The following DPYSL5 variants were observed in gnomAD, a reference collection of about 807,000 sequenced individuals.
The protein encoded by DPYSL5 is dihydropyrimidinase-related protein 5.
A neutral mutation model predicts 58.4 loss-of-function variants in DPYSL5; 9 were observed. The observed-to-expected ratio is 0.15, with a 90% CI of 0.09 to 0.27. DPYSL5 has a LOEUF of 0.27. Ranked by LOEUF, DPYSL5 falls within the 10% of genes least tolerant of loss-of-function variation. The pLI is 1.00. For synonymous variants in DPYSL5, 293 were observed against 301.9 expected (o/e 0.97, Z 0.31); for missense variants, 499 against 770.6 (o/e 0.65, Z 4.17).
intron 1 of DPYSL5, among the ~76,000 whole-genome samples, chr2:26,858,919 A>G (rs1237950486): frequency 6.6e-6 from 1 of 152,172 alleles, no homozygotes; most frequent in Non-Finnish European, 1.5e-5. Flanking sequence ...CCAATATTTA[A>G]TCAATTATAA....
At chr2:26,891,544 C>T (rs1412961748) in intron 1 of DPYSL5, among the ~76,000 whole-genome samples, 3 of 152,152 alleles carry the variant, frequency 2.0e-5, no homozygotes, top group Non-Finnish European at 2.9e-5. Context: ...GGGGAGTAGT[C>T]AGCCCCATCT....
At chr2:26,869,545 T>G (rs990669724) in intron 1 of DPYSL5, among the ~76,000 whole-genome samples, 1 of 152,206 alleles carries the variant, frequency 6.6e-6, no homozygotes, top group Non-Finnish European at 1.5e-5. Context: ...ATTCCCTTTC[T>G]GCGTCATTCT....
intron 1 of DPYSL5, among the ~76,000 whole-genome samples, chr2:26,868,426 C>T (rs1446601339): frequency 6.6e-6 from 1 of 152,096 alleles, no homozygotes; most frequent in African/African-American, 2.4e-5. Flanking sequence ...CTTGGTGGTA[C>T]GCAGTCTCCC....
Position 26,913,617 on chromosome 2 carries a change from T to A in DPYSL5, c.262-11270T>A, listed in dbSNP as rs576225407. Among the ~76,000 whole-genome samples the A allele has an allele frequency of 2.6e-5, 4 of 152,322 alleles. No homozygotes were observed. The South Asian group carries it at 8.3e-4, about 32-fold the overall frequency. ...TCCTGCTTTCCATTACAGAGTCATTTTGAGAATCAAGTAAGATAATAAATA... is the reference window on the plus strand; with the variant it reads ...TCCTGCTTTCCATTACAGAGTCATTATGAGAATCAAGTAAGATAATAAATA... On this transcript the variant is annotated intron_variant, in intron 2 of 12. Coordinates refer to ENST00000288699, the MANE Select transcript of DPYSL5 (RefSeq NM_020134.4).
Position 26,946,982 on chromosome 2 carries a change from G to A in DPYSL5, c.1682G>A (p.Ser561Asn), listed in dbSNP as rs1428703060. The change falls in exon 13 of 13, where the codon AGT becomes AAT. Residue 561 changes from serine (S) to asparagine (N), a missense_variant. Ser to Asn is a conservative substitution (Grantham distance 46, BLOSUM62 1). This residue lies in a region of DPYSL5 where 33 missense variants were observed against 63.8 expected (regional missense o/e 0.52). Coordinates refer to ENST00000288699, the MANE Select transcript of DPYSL5 (RefSeq NM_020134.4). Reference protein sequence around the residue: ...RILAPPGGRSSGIW With the variant: ...RILAPPGGRSNGIW ...CTCGCTCCTCCCGGAGGCAGGTCGA[G>A]TGGCATTTGGTAAAGGCATTGCCAA... The A allele has an allele frequency of 6.2e-7, 1 of 1,613,392 alleles. No homozygotes were observed. Among genetic ancestry groups the A allele is most frequent in the Non-Finnish European group, 8.5e-7 (1 of 1,179,480 alleles).
chr2:26,942,335 A>T lies in DPYSL5; in HGVS notation c.1233-208A>T, dbSNP rs1665344246. Among the ~76,000 whole-genome samples, 1 of 152,114 alleles carries T rather than the reference A, an allele frequency of 6.6e-6. No homozygotes were observed. The highest frequency in any genetic ancestry group is 2.4e-5 in the African/African-American group (1 of 41,416). The stretch of plus-strand genomic sequence containing the variant: ...TAAGACTGGATTAGGGCCCACCTAT[A>T]TGACCTCACTTTATCTTAATGATTA... On this transcript the variant is annotated intron_variant, in intron 10 of 12. Transcript: ENST00000288699. This position sits in a 1 kb window ranked among gnomAD's most constrained non-coding sequence, Gnocchi z 5.9.
At chr2:26,913,604 T>C (rs1206219035) in intron 2 of DPYSL5, among the ~76,000 whole-genome samples, 1 of 152,208 alleles carries the variant, frequency 6.6e-6, no homozygotes, top group Admixed American at 6.5e-5. Context: ...CTGCTTTCCA[T>C]TACAGAGTCA....
chr2:26,932,816 A>G (rs922981546), intron 6 of DPYSL5, among the ~76,000 whole-genome samples: 1 of 152,210 alleles, frequency 6.6e-6, no homozygotes, highest in African/African-American at 2.4e-5. Context: ...TCCAGGGTGC[A>G]TTCTGTCTAC....
intron 1 of DPYSL5, among the ~76,000 whole-genome samples, chr2:26,872,551 G>A (rs555901435): frequency 7.9e-5 from 12 of 152,270 alleles, no homozygotes; most frequent in Admixed American, 7.9e-4. Context: ...TCAGCTGGGT[G>A]TGGTGGTGCG....
chr2:26,903,443 C>T (rs1664211506), intron 2 of DPYSL5, among the ~76,000 whole-genome samples: 1 of 152,194 alleles, frequency 6.6e-6, no homozygotes, highest in Non-Finnish European at 1.5e-5. Context: ...ATAGGGACCC[C>T]TTTCCTGGAA....
intron 1 of DPYSL5, among the ~76,000 whole-genome samples, chr2:26,890,916 G>GC (rs1285059443): frequency 2.0e-5 from 3 of 152,118 alleles, no homozygotes; most frequent in African/African-American, 7.2e-5. Context: ...ACTAATCCTA[G>GC]CAGATCACGG....
At position 26,942,840 on chromosome 2, in the gene DPYSL5, A is replaced by G; in HGVS notation, c.1440+90A>G. ...TGTTTTAAATCTCAAAGAGATGTTC[A>G]CTCCAGTTTTCGACCCAATTCCATT... is the stretch of plus-strand genomic sequence containing the variant. On this transcript the variant is annotated intron_variant, in intron 11 of 12. Transcript: ENST00000288699. The surrounding 1 kb of genome is among the most constrained non-coding windows in gnomAD (Gnocchi z 5.9). The G allele has an allele frequency of 1.1e-5, 16 of 1,458,318 alleles. No individual in the cohort carries two copies. The highest frequency in any genetic ancestry group is 1.5e-5 in the Non-Finnish European group (16 of 1,063,054). 90.3% of individuals were successfully genotyped at this position (1,458,318 alleles called of 1,614,324 possible). A position where few individuals can be genotyped will look rare whatever the true frequency, so the allele number is the denominator to read the frequency against.
rs1665101946 is a variant in DPYSL5, at chr2:26,933,963, A to G, written c.791-615A>G. Among the ~76,000 whole-genome samples, 1 of 152,136 alleles carries G rather than the reference A, an allele frequency of 6.6e-6. No individual in the cohort carries two copies. The highest frequency in any genetic ancestry group is 2.4e-5 in the African/African-American group (1 of 41,430). On this transcript the variant is annotated intron_variant, in intron 7 of 12. Transcript: ENST00000288699. The surrounding 1 kb of genome is among the most constrained non-coding windows in gnomAD (Gnocchi z 4.2). ...GACAGATCAGAAGCAAGGGCATCTCAGCCTTCAACTATAATCGATCAGAAG... is the reference window on the plus strand; with the variant it reads ...GACAGATCAGAAGCAAGGGCATCTCGGCCTTCAACTATAATCGATCAGAAG...
At chr2:26,914,705 C>G (rs148846365) in intron 2 of DPYSL5, among the ~76,000 whole-genome samples, 1 of 152,262 alleles carries the variant, frequency 6.6e-6, no homozygotes, top group East Asian at 1.9e-4. Context: ...GATCTGTCCA[C>G]CTGTTAAGCA....
In DPYSL5 at chr2:26,942,740, A is replaced by G. The variant is rs1308152337; in HGVS notation, c.1430A>G (p.Gln477Arg). 3 of 1,613,844 alleles carry G rather than the reference A, an allele frequency of 1.9e-6. No individual in the cohort carries two copies. Among genetic ancestry groups the G allele is most frequent in the Non-Finnish European group, 1.7e-6 (2 of 1,179,838 alleles). Residue 477 changes from glutamine (Q) to arginine (R), a missense_variant, in exon 11 of 13, where the codon CAG (glutamine) becomes CGG (arginine). Physicochemically the swap from Gln to Arg is conservative, Grantham distance 43. Around this residue, in one of 3 missense-constraint regions of DPYSL5, gnomAD observed 62 missense variants for 59.2 expected, o/e 1.05. Transcript: ENST00000288699. This position sits in a 1 kb window ranked among gnomAD's most constrained non-coding sequence, Gnocchi z 5.9. Reference sequence around the variant, plus strand: ...GACACTGTCTACAAGAAGCTGGTCCAGAGAGAGAAGGTGAGGTGGGAGGAG... The same window carrying G: ...GACACTGTCTACAAGAAGCTGGTCCGGAGAGAGAAGGTGAGGTGGGAGGAG... ...FPDTVYKKLVQREKTLKVRGV... is the reference protein window; with the variant it reads ...FPDTVYKKLVRREKTLKVRGV...
chr2:26,937,213 T>C (rs1665202479), intron 8 of DPYSL5, among the ~76,000 whole-genome samples: 1 of 152,064 alleles, frequency 6.6e-6, no homozygotes, highest in Non-Finnish European at 1.5e-5. Flanking sequence ...ATAATTTAAG[T>C]TTTTATATCT....
rs1244503865 is a variant in DPYSL5 at position 26,928,728 on chromosome 2, TACGCACACAC to T, written c.669+417_669+426del. Among the ~76,000 whole-genome samples the T allele has an allele frequency of 3.5e-5, 2 of 57,650 alleles. 1 individual carries two copies. Among genetic ancestry groups the T allele is most frequent in the Non-Finnish European group, 7.7e-5 (2 of 26,126 alleles). The allele number at this position is 57,650 out of a possible 152,430, so 37.8% of individuals were successfully genotyped here. ...ATACACACACACACATACATATATA[TACGCACACAC>T]ACGCACACACATACGTGTGTGCGTG... is the stretch of plus-strand genomic sequence containing the variant. On this transcript the variant is annotated intron_variant, in intron 5 of 12. Coordinates refer to ENST00000288699, the MANE Select transcript of DPYSL5 (RefSeq NM_020134.4).
intron 1 of DPYSL5, among the ~76,000 whole-genome samples, chr2:26,856,074 G>A (rs1018025331): frequency 2.6e-5 from 4 of 152,002 alleles, no homozygotes; most frequent in African/African-American, 7.3e-5. Flanking sequence ...GGCTGAGGGT[G>A]CATTTTAAAA....
At chr2:26,916,691 A>G (rs1053634140) in intron 2 of DPYSL5, among the ~76,000 whole-genome samples, 3 of 152,150 alleles carry the variant, frequency 2.0e-5, no homozygotes, top group African/African-American at 7.2e-5. Context: ...TCCACCACTC[A>G]CAGCCTTCCT....
Sources: gnomAD v4.1 joint callset for allele counts (sites outside exome capture counted in the v4.1 genomes callset) on GRCh38, gnomAD v4.1.1 for gene constraint, gnomAD v4.1.1 regional missense constraint, Gnocchi (gnomAD v3.1) non-coding constraint, MANE v1.5 for transcripts, NCBI Gene and HGNC (gene_info 2026-07-23, HGNC 2026-07-21) for gene names.